The following PCDHGB3 variants were observed in gnomAD, a reference collection of about 807,000 sequenced individuals.
PCDHGB3 encodes protocadherin gamma subfamily B, 3, also known as protocadherin gamma-B3.
PCDHGB3 carries 40 observed loss-of-function variants against 59.2 expected under a neutral mutation model. That is an observed-to-expected ratio of 0.68 (90% CI 0.52 to 0.88). The LOEUF (loss-of-function observed/expected upper bound fraction) is 0.88, where lower values mean the gene tolerates loss of function less well. Ranked by LOEUF, PCDHGB3 falls within the 40% of genes least tolerant of loss-of-function variation. The pLI is 0.00. For synonymous variants in PCDHGB3, 581 were observed against 503.6 expected (o/e 1.15, Z -2.06); for missense variants, 1,309 against 1,187.9 (o/e 1.10, Z -1.50).
At position 141,455,301 on chromosome 5, in the gene PCDHGB3, T is replaced by G. The variant is rs192443408; in HGVS notation, c.2416-39506T>G. Among the ~76,000 whole-genome samples, 191 of 152,308 alleles carry G rather than the reference T, an allele frequency of 1.3e-3. 1 individual carries two copies. Among genetic ancestry groups the G allele is most frequent in the African/African-American group, 4.4e-3 (181 of 41,566 alleles). On this transcript the variant is annotated intron_variant, in intron 1 of 3. Transcript: ENST00000576222. ...AACATCACTTTACATAGTTTCATCT[T>G]GCATTAGCAATTTTGTGTGTGTGTT...
intron 1 of PCDHGB3, chr5:141,427,985 C>T (rs747784722): frequency 3.1e-6 from 5 of 1,597,522 alleles, no homozygotes; most frequent in African/African-American, 2.7e-5. Context: ...CGCTGGGGCC[C>T]GATGGCTCCG....
At chr5:141,402,221 G>T (rs567791316) in intron 1 of PCDHGB3, among the ~76,000 whole-genome samples, 1 of 151,824 alleles carries the variant, frequency 6.6e-6, no homozygotes, top group East Asian at 1.9e-4. Flanking sequence ...TAAAATAAAC[G>T]TTTTTCCAGG....
chr5:141,432,649 A>C lies in PCDHGB3; in HGVS notation c.2415+59840A>C, dbSNP rs769351399. The C allele has an allele frequency of 5.6e-6, 9 of 1,613,742 alleles. No individual in the cohort carries two copies. The highest frequency in any genetic ancestry group is 6.8e-6 in the Non-Finnish European group (8 of 1,179,918). ...ACACGGGCGAGGTGCGCACGGCGCG[A>C]GCCCTGCTGGACAGAGACGCGCTCA... is the stretch of plus-strand genomic sequence containing the variant. On this transcript the variant is annotated intron_variant, in intron 1 of 3. Transcript: ENST00000576222. This position sits in a 1 kb window ranked among gnomAD's most constrained non-coding sequence, Gnocchi z 6.0.
At chr5:141,388,697 G>T in intron 1 of PCDHGB3, 1 of 1,613,998 alleles carries the variant, frequency 6.2e-7, no homozygotes, top group South Asian at 1.1e-5. Flanking sequence ...ACCAGGATGA[G>T]GGTGTCAATG....
Position 141,489,527 on chromosome 5 carries a change from G to A in PCDHGB3, c.2416-5280G>A. On this transcript the variant is annotated intron_variant, in intron 1 of 3. Coordinates refer to ENST00000576222, the MANE Select transcript of PCDHGB3 (RefSeq NM_018924.5). The surrounding 1 kb of genome is among the most constrained non-coding windows in gnomAD (Gnocchi z 4.5). The stretch of plus-strand genomic sequence containing the variant: ...CAAAAGATTGACCGAGAAAGCCTAT[G>A]TGGAGCCAGCACCAGCTGCCTGCTG... The A allele has an allele frequency of 1.9e-6, 3 of 1,614,152 alleles. No individual in the cohort carries two copies. Among genetic ancestry groups the A allele is most frequent in the East Asian group, 2.2e-5 (1 of 44,874 alleles).
chr5:141,388,356 C>A (rs756910714), intron 1 of PCDHGB3: 2 of 1,613,944 alleles, frequency 1.2e-6, no homozygotes, highest in Non-Finnish European at 1.7e-6. Flanking sequence ...AGGATCTGCC[C>A]ATGATGCGGA....
At chr5:141,394,955 C>A (rs2093135329) in intron 1 of PCDHGB3, 11 of 1,613,878 alleles carry the variant, frequency 6.8e-6, no homozygotes, top group Non-Finnish European at 8.5e-6. Context: ...TTCTGGGGCT[C>A]AGGCTGAGGC....
At chr5:141,421,702 A>G (rs2096594027) in intron 1 of PCDHGB3, 1 of 1,613,950 alleles carries the variant, frequency 6.2e-7, no homozygotes, top group Non-Finnish European at 8.5e-7. Context: ...TCCTAATGCT[A>G]GGGATCCAGA....
At chr5:141,446,055 G>A (rs1431833512) in intron 1 of PCDHGB3, among the ~76,000 whole-genome samples, 1 of 152,190 alleles carries the variant, frequency 6.6e-6, no homozygotes, top group Non-Finnish European at 1.5e-5. Flanking sequence ...AGCTGGCTTG[G>A]ATTAAAGGGG....
intron 1 of PCDHGB3, chr5:141,398,164 AG>A (rs970849138): frequency 6.8e-7 from 1 of 1,481,390 alleles, no homozygotes; most frequent in African/African-American, 1.4e-5. Context: ...CCGGGCTGAG[AG>A]GCTGCCAGTG....
chr5:141,487,467 T>C lies in PCDHGB3; in HGVS notation c.2416-7340T>C. ...GATGACCCTATCAAGTTTGTTGATG[T>C]GGGAGGCCACTCTCATGGCTGTACA... On this transcript the variant is annotated intron_variant, in intron 1 of 3. Transcript: ENST00000576222. The surrounding 1 kb of genome is among the most constrained non-coding windows in gnomAD (Gnocchi z 5.0). 6.2e-7 allele frequency: 1 copy of C among 1,614,186 alleles called. No individual in the cohort carries two copies. The highest frequency in any genetic ancestry group is 8.5e-7 in the Non-Finnish European group (1 of 1,180,026).
chr5:141,390,446 G>A, intron 1 of PCDHGB3: 1 of 862,526 alleles, frequency 1.2e-6, no homozygotes, highest in Non-Finnish European at 1.7e-6. Context: ...CTACAAAGGA[G>A]GAGTAAAGTA....
rs1333168918 is a variant in PCDHGB3, at chr5:141,375,648, A to G, written c.2415+2839A>G. On this transcript the variant is annotated intron_variant, in intron 1 of 3. Coordinates refer to ENST00000576222, the MANE Select transcript of PCDHGB3 (RefSeq NM_018924.5). The stretch of plus-strand genomic sequence containing the variant: ...CTGTACGCCCTGCGCTCCTTCGACT[A>G]TGAGCAGTTGAGAGACCTACAGCTG... 3.7e-6 allele frequency: 6 copies of G among 1,614,030 alleles called. No individual in the cohort carries two copies. The African/African-American group carries it at 6.7e-5, about 18-fold the overall frequency.
In PCDHGB3 at chr5:141,421,099, G is replaced by A. The variant is rs941392242; in HGVS notation, c.2415+48290G>A. ...GATACTCACAGATCCTGACACTGGA[G>A]ACTTAGAAGTATTTTCCTTCGCTTT... is the stretch of plus-strand genomic sequence containing the variant. On this transcript the variant is annotated intron_variant, in intron 1 of 3. Coordinates refer to ENST00000576222, the MANE Select transcript of PCDHGB3 (RefSeq NM_018924.5). 1.2e-5 allele frequency: 8 copies of A among 680,384 alleles called. No individual in the cohort carries two copies. In the Admixed American group the frequency reaches 1.2e-4, roughly 11 times the overall value. 42.1% of individuals were successfully genotyped at this position (680,384 alleles called of 1,614,324 possible).
At chr5:141,424,720 G>A (rs530298674) in intron 1 of PCDHGB3, 4 of 152,090 alleles carry the variant, frequency 2.6e-5, no homozygotes, top group Non-Finnish European at 4.4e-5. Flanking sequence ...GTGTAGTTGG[G>A]AGTCATAGAT....
At chr5:141,392,903 G>A in intron 1 of PCDHGB3, 1 of 1,613,884 alleles carries the variant, frequency 6.2e-7, no homozygotes, top group South Asian at 1.1e-5. Flanking sequence ...GGAGGGGACA[G>A]ATTCGCTACT....
intron 2 of PCDHGB3, among the ~76,000 whole-genome samples, chr5:141,502,253 T>C (rs1331834149): frequency 6.6e-6 from 1 of 152,232 alleles, no homozygotes; most frequent in South Asian, 2.1e-4. Context: ...TTTTTTTTAA[T>C]CCAGGATTTT....
chr5:141,388,861 T>C lies in PCDHGB3; in HGVS notation c.2415+16052T>C, dbSNP rs1487226750. 7 of 1,613,872 alleles carry C rather than the reference T, an allele frequency of 4.3e-6. No homozygotes were observed. The East Asian group carries it at 1.1e-4, about 26-fold the overall frequency. On this transcript the variant is annotated intron_variant, in intron 1 of 3. Transcript: ENST00000576222. ...GAAGCAAGGGACGGTGGAGGAATGATTGCGCAATGCACAGTGGAGGTAGAA... is the reference window on the plus strand; with the variant it reads ...GAAGCAAGGGACGGTGGAGGAATGACTGCGCAATGCACAGTGGAGGTAGAA...
In PCDHGB3 at chr5:141,489,928, G is replaced by A. The variant is rs752861962; in HGVS notation, c.2416-4879G>A. ...CCGCTCAGGGACCACCCTTATCTCT[G>A]TCATCGTGCTGGACATCAATGATAA... On this transcript the variant is annotated intron_variant, in intron 1 of 3. Transcript: ENST00000576222. The surrounding 1 kb of genome is among the most constrained non-coding windows in gnomAD (Gnocchi z 4.5). 2 of 1,614,206 alleles carry A rather than the reference G, an allele frequency of 1.2e-6. No homozygotes were observed. Among genetic ancestry groups the A allele is most frequent in the Non-Finnish European group, 1.7e-6 (2 of 1,180,038 alleles).
Sources: allele counts gnomAD v4.1 joint callset (sites outside exome capture counted in the v4.1 genomes callset), GRCh38; gene constraint gnomAD v4.1.1; non-coding constraint Gnocchi (gnomAD v3.1); transcripts MANE v1.5; gene names NCBI Gene and HGNC (gene_info 2026-07-23, HGNC 2026-07-21).